Variants in RALGAPA1 observed in about 807,000 individuals in gnomAD.
RALGAPA1 encodes the protein Ral GTPase activating protein catalytic subunit alpha 1.
Under a neutral mutation model 269.6 loss-of-function variants are expected in RALGAPA1, and 52 were observed. That is an observed-to-expected ratio of 0.19 (90% CI 0.15 to 0.24). The LOEUF (loss-of-function observed/expected upper bound fraction) is 0.24. RALGAPA1 is among the 10% of genes least tolerant of loss of function. The pLI, the probability that RALGAPA1 is intolerant of heterozygous loss-of-function variation, is 1.00. For synonymous variants in RALGAPA1, 817 were observed against 1,008.3 expected (o/e 0.81, Z 3.60); for missense variants, 1,917 against 3,013.9 (o/e 0.64, Z 8.52).
chr14:35,685,005 C>G lies in RALGAPA1; in HGVS notation c.4218G>C (p.Gly1406=), dbSNP rs982837200. The G allele has an allele frequency of 6.2e-7, 1 of 1,612,934 alleles. No individual in the cohort carries two copies. Among genetic ancestry groups the G allele is most frequent in the Non-Finnish European group, 8.5e-7 (1 of 1,179,618 alleles). ...PSEWTSPASA[G]SSDLISSDSH... is the part of the protein sequence containing the mutation. The stretch of plus-strand genomic sequence containing the variant: ...TATCTGAGCTGATAAGATCACTGCT[C>G]CCTGCACTGGCAGGAGAAGTCCATT... The change falls in exon 20 of 42, where the codon GGG becomes GGC. Residue 1406 remains glycine, a synonymous_variant. Coordinates refer to ENST00000680220, the MANE Select transcript of RALGAPA1 (RefSeq NM_001346249.2).
intron 38 of RALGAPA1, 61 bp downstream of exon 38, chr14:35,572,499 A>C: frequency 7.7e-7 from 1 of 1,293,114 alleles, no homozygotes; most frequent in South Asian, 1.6e-5. Flanking sequence ...CATGGAAAGA[A>C]ACCCATGAAC....
chr14:35,619,427 C>T (rs866122336), intron 35 of RALGAPA1, among the ~76,000 whole-genome samples: 7 of 151,952 alleles, frequency 4.6e-5, no homozygotes, highest in African/African-American at 1.5e-4. Flanking sequence ...CCTAACATCA[C>T]GATTAAAAGA....
intron 37 of RALGAPA1, among the ~76,000 whole-genome samples, chr14:35,589,018 C>G (rs1215172309): frequency 2.6e-5 from 4 of 152,106 alleles, no homozygotes; most frequent in African/African-American, 9.7e-5. Flanking sequence ...AAAGACAAAC[C>G]ATGATCTCAC....
rs142660339 is a variant in RALGAPA1 at position 35,752,030 on chromosome 14, T to C, written c.796A>G (p.Ile266Val). 26 of 1,579,592 alleles carry C rather than the reference T, an allele frequency of 1.6e-5. No individual in the cohort carries two copies. The highest frequency in any genetic ancestry group is 2.3e-4 in the Middle Eastern group (1 of 4,320). The change falls in exon 8 of 42, where the codon ATA (isoleucine) becomes GTA (valine). Residue 266 changes from isoleucine to valine, a missense_variant. Physicochemically the swap from Ile to Val is conservative, Grantham distance 29 (BLOSUM62 3). Around this residue, in one of 11 missense-constraint regions of RALGAPA1, gnomAD observed 462 missense variants for 725.6 expected, o/e 0.64. Coordinates refer to ENST00000680220, the MANE Select transcript of RALGAPA1 (RefSeq NM_001346249.2). ...ICKENSLYHPILDIPQMRPKP... is the reference protein window; with the variant it reads ...ICKENSLYHPVLDIPQMRPKP... ...AATTTCAAACATTACCTACCAAGTA[T>C]AGGATGATATAAACTGTTTTCCTTA...
At chr14:35,551,265 C>T (rs2054979103) in intron 39 of RALGAPA1, among the ~76,000 whole-genome samples, 1 of 151,904 alleles carries the variant, frequency 6.6e-6, no homozygotes, top group Non-Finnish European at 1.5e-5. Flanking sequence ...ACTGAAGAGG[C>T]AAGAGGTAGA....
chr14:35,549,076 A>G (rs776821440), intron 40 of RALGAPA1, 34 bp downstream of exon 40: 63 of 1,607,864 alleles, frequency 3.9e-5, no homozygotes, highest in Non-Finnish European at 5.1e-5. Context: ...TCAAGTTCCA[A>G]TAACAAGTAA....
chr14:35,674,541 C>T lies in RALGAPA1; in HGVS notation c.4793G>A (p.Cys1598Tyr). The change falls in exon 23 of 42, where the codon TGT becomes TAT. Residue 1598 changes from cysteine to tyrosine, a missense_variant. By Grantham distance (194) the Cys-to-Tyr change is radical. Transcript: ENST00000680220. ...CTTAGCTAGATTCTGCCAAAGTTCA[C>T]AGAGGTAATCAAAAACTTGAGCATG... ...EIHAQVFDYL[C>Y]ELWQNLAKIR... 1 of 1,607,636 alleles carries T rather than the reference C, an allele frequency of 6.2e-7. No homozygotes were observed. Among genetic ancestry groups the T allele is most frequent in the Non-Finnish European group, 8.5e-7 (1 of 1,177,424 alleles).
chr14:35,761,924 C>T (rs1335606313), intron 5 of RALGAPA1, among the ~76,000 whole-genome samples: 1 of 152,170 alleles, frequency 6.6e-6, no homozygotes. Flanking sequence ...GCCAAAAGCA[C>T]CTGTAATAAT....
chr14:35,746,035 T>C (rs1435064460), intron 10 of RALGAPA1, among the ~76,000 whole-genome samples: 2 of 152,080 alleles, frequency 1.3e-5, no homozygotes, highest in Non-Finnish European at 2.9e-5. Context: ...ATCACACCAC[T>C]GTACTCCAGC....
chr14:35,787,497 G>A (rs759116581), intron 1 of RALGAPA1, among the ~76,000 whole-genome samples: 8 of 152,152 alleles, frequency 5.3e-5, no homozygotes, highest in Non-Finnish European at 1.0e-4. Context: ...GAAGGAAAGA[G>A]TAATTGTTGC....
chr14:35,558,196 A>G (rs969190551), intron 39 of RALGAPA1, among the ~76,000 whole-genome samples: 4 of 152,200 alleles, frequency 2.6e-5, no homozygotes. Context: ...GTTATGAGCT[A>G]CTCACTTAAA....
chr14:35,677,831 GA>G lies in RALGAPA1; in HGVS notation c.4624+118del, dbSNP rs1318976244. On this transcript the variant is annotated intron_variant, in intron 22 of 41. Coordinates refer to ENST00000680220, the MANE Select transcript of RALGAPA1 (RefSeq NM_001346249.2). ...CATTAACAAATTTCCAAAGGACTTA[GA>G]AAAGTCCAAAATATTTACAATAATC... is the stretch of plus-strand genomic sequence containing the variant. 6 of 967,022 alleles carry G rather than the reference GA, an allele frequency of 6.2e-6. No individual in the cohort carries two copies. The East Asian group carries it at 1.7e-4, about 27-fold the overall frequency. 59.9% of individuals were successfully genotyped at this position (967,022 alleles called of 1,614,324 possible). A position where few individuals can be genotyped will look rare whatever the true frequency, so the allele number is the denominator to read the frequency against.
chr14:35,784,877 G>A (rs989343272), intron 1 of RALGAPA1, among the ~76,000 whole-genome samples: 1 of 152,080 alleles, frequency 6.6e-6, no homozygotes, highest in Non-Finnish European at 1.5e-5. Flanking sequence ...GATGATAGGC[G>A]AGTAATCAAA....
intron 17 of RALGAPA1, 64 bp from the exon 18 acceptor site, chr14:35,690,067 T>A: frequency 1.7e-6 from 2 of 1,192,800 alleles, no homozygotes; most frequent in Non-Finnish European, 2.3e-6. Flanking sequence ...ATTATTAATT[T>A]CAATAATGCT....
At chr14:35,550,468 T>C (rs1318118186) in intron 39 of RALGAPA1, among the ~76,000 whole-genome samples, 1 of 152,098 alleles carries the variant, frequency 6.6e-6, no homozygotes, top group East Asian at 1.9e-4. Context: ...ATTTAATTAT[T>C]ATATAGTTCT....
chr14:35,578,018 G>A (rs1245013895), intron 37 of RALGAPA1, among the ~76,000 whole-genome samples: 1 of 151,914 alleles, frequency 6.6e-6, no homozygotes, highest in Non-Finnish European at 1.5e-5. Flanking sequence ...AATTCATGAG[G>A]TCTTAAAAGT....
intron 19 of RALGAPA1, 130 bp from the exon 20 acceptor site, chr14:35,685,275 A>G: frequency 1.3e-6 from 1 of 781,702 alleles, no homozygotes; most frequent in East Asian, 2.7e-5. Flanking sequence ...TGGAGAACAC[A>G]CTCACCAAAC....
intron 14 of RALGAPA1, chr14:35,723,506 T>C (rs1369275654): frequency 9.2e-6 from 3 of 324,818 alleles, no homozygotes; most frequent in Non-Finnish European, 1.7e-5. Flanking sequence ...TCCCTAAATT[T>C]ATAACTGTCT....
chr14:35,622,319 T>A (rs1048583709), intron 35 of RALGAPA1, among the ~76,000 whole-genome samples: 5 of 151,568 alleles, frequency 3.3e-5, no homozygotes, highest in Non-Finnish European at 7.4e-5. Context: ...AACAATGAGA[T>A]CACTTGGACA....
Sources: allele counts gnomAD v4.1 joint callset (sites outside exome capture counted in the v4.1 genomes callset), GRCh38; gene constraint gnomAD v4.1.1; regional missense constraint gnomAD v4.1.1; transcripts MANE v1.5; gene names NCBI Gene and HGNC (gene_info 2026-07-23, HGNC 2026-07-21).